AMMECR1: variants seen among roughly 807,000 people sequenced by gnomAD.
AMMECR1 encodes nuclear protein AMMECR1.
A neutral mutation model predicts 22.5 loss-of-function variants in AMMECR1; 3 were observed. That is an observed-to-expected ratio of 0.13 (90% CI 0.06 to 0.35). The LOEUF is 0.35. Among genes scored for constraint, AMMECR1 ranks in the 10% least tolerant of loss-of-function variants. The pLI is 1.00. For missense variants in AMMECR1, 235 were observed against 278.7 expected (o/e 0.84, Z 1.12); for synonymous variants, 130 against 116.7 (o/e 1.11, Z -0.74).
At chrX:110,202,954 G>T (rs1012152668) in intron 3 of AMMECR1, among the ~76,000 whole-genome samples, 3 of 111,876 alleles carry the variant, frequency 2.7e-5, no homozygotes, top group Admixed American at 9.5e-5. Flanking sequence ...TTCTGATTAA[G>T]TTCCAAAATT....
intron 2 of AMMECR1, among the ~76,000 whole-genome samples, chrX:110,405,039 C>T (rs757017161): frequency 6.5e-5 from 7 of 107,936 alleles, no homozygotes; most frequent in East Asian, 2.9e-4. Flanking sequence ...TTCAGAGATA[C>T]GCTTTTGTCA....
chrX:110,331,604 C>G (rs956325757), intron 2 of AMMECR1, among the ~76,000 whole-genome samples: 2 of 111,252 alleles, frequency 1.8e-5, no homozygotes, highest in South Asian at 7.6e-4. Context: ...TGTGACTACT[C>G]TCTCTATATT....
At chrX:110,438,193 C>T (rs774336623) in intron 1 of AMMECR1, among the ~76,000 whole-genome samples, 1 of 111,207 alleles carries the variant, frequency 9.0e-6, no homozygotes, top group Non-Finnish European at 1.9e-5. Context: ...TCAGAACCTG[C>T]TTTCACGATG....
chrX:110,314,704 A>C (rs760798461), intron 1 of AMMECR1, among the ~76,000 whole-genome samples: 2 of 112,208 alleles, frequency 1.8e-5, no homozygotes, highest in Non-Finnish European at 3.8e-5. Flanking sequence ...AAAATGCAGT[A>C]AAGTTAAGTT....
intron 2 of AMMECR1, among the ~76,000 whole-genome samples, chrX:110,378,173 G>T (rs1338907303): frequency 9.0e-6 from 1 of 111,490 alleles, no homozygotes; most frequent in Non-Finnish European, 1.9e-5. Context: ...CAGCTTTGGG[G>T]CTGTAAATGT....
intron 2 of AMMECR1, among the ~76,000 whole-genome samples, chrX:110,354,369 T>C (rs763670493): frequency 8.9e-6 from 1 of 112,267 alleles, no homozygotes; most frequent in South Asian, 3.7e-4. Context: ...TACTTTTTTC[T>C]TGTTATTATT....
intron 2 of AMMECR1, among the ~76,000 whole-genome samples, chrX:110,263,568 GATT>G (rs1176436312): frequency 8.9e-6 from 1 of 111,775 alleles, no homozygotes; most frequent in African/African-American, 3.2e-5. Flanking sequence ...GTAAAATAGT[GATT>G]ATTACTTCAT....
intron 2 of AMMECR1, among the ~76,000 whole-genome samples, chrX:110,417,302 G>T (rs1316021753): frequency 8.9e-6 from 1 of 112,134 alleles, no homozygotes; most frequent in Non-Finnish European, 1.9e-5. Flanking sequence ...ATTTGACAGG[G>T]GAGGAGGCAC....
chrX:110,327,339 A>G (rs1034128417), intron 2 of AMMECR1, among the ~76,000 whole-genome samples: 1 of 112,361 alleles, frequency 8.9e-6, no homozygotes, highest in African/African-American at 3.2e-5. Context: ...AAGAGTAGCA[A>G]CTGACATAGT....
chrX:110,370,088 A>G (rs947186785), intron 2 of AMMECR1, among the ~76,000 whole-genome samples: 1 of 111,909 alleles, frequency 8.9e-6, no homozygotes, highest in Non-Finnish European at 1.9e-5. Flanking sequence ...CACTGTTTGG[A>G]GCAGTTCTGT....
At chrX:110,356,347 G>T (rs957943143) in intron 2 of AMMECR1, among the ~76,000 whole-genome samples, 2 of 108,641 alleles carry the variant, frequency 1.8e-5, no homozygotes, top group South Asian at 4.2e-4. Flanking sequence ...TGGAGACGGG[G>T]TTTCACCATG....
At chrX:110,386,350 A>G (rs1023603647) in intron 2 of AMMECR1, among the ~76,000 whole-genome samples, 1 of 108,699 alleles carries the variant, frequency 9.2e-6, no homozygotes, top group Admixed American at 9.8e-5. Context: ...TATTTATTTT[A>G]TTTTTTATTT....
chrX:110,426,993 A>T (rs1183575104), intron 1 of AMMECR1, among the ~76,000 whole-genome samples: 1 of 111,997 alleles, frequency 8.9e-6, no homozygotes, highest in African/African-American at 3.3e-5. Context: ...CAGGGCAAAA[A>T]CCCAAGAGTT....
chrX:110,266,087 T>C (rs1602842569), intron 1 of AMMECR1, among the ~76,000 whole-genome samples: 1 of 108,185 alleles, frequency 9.2e-6, no homozygotes, highest in South Asian at 3.9e-4. Context: ...GGTATTAAAA[T>C]AACAAACAAA....
intron 2 of AMMECR1, among the ~76,000 whole-genome samples, chrX:110,404,636 A>G (rs1433077410): frequency 1.8e-5 from 2 of 111,612 alleles, no homozygotes; most frequent in African/African-American, 3.3e-5. Flanking sequence ...TCAGCCTATT[A>G]TTTTTACCTT....
chrX:110,352,393 C>T (rs2068214516), intron 2 of AMMECR1, among the ~76,000 whole-genome samples: 1 of 112,489 alleles, frequency 8.9e-6, no homozygotes, highest in Admixed American at 9.4e-5. Flanking sequence ...ATACATTCTA[C>T]AACATGTAAT....
intron 2 of AMMECR1, among the ~76,000 whole-genome samples, chrX:110,222,494 C>A (rs2067507828): frequency 1.1e-5 from 1 of 90,118 alleles, no homozygotes; most frequent in Non-Finnish European, 2.2e-5. Context: ...ATACCTAATG[C>A]TAGATGACGA....
At chrX:110,328,438 CT>C (rs772629664) in intron 2 of AMMECR1, among the ~76,000 whole-genome samples, 8,085 of 73,913 alleles carry the variant, frequency 0.11, 949 homozygotes, top group African/African-American at 0.33. Flanking sequence ...TTCTTTTTCT[CT>C]TTTTTTTTTT....
At position 110,370,464 on chromosome X, in the gene AMMECR1, C is replaced by T. The variant is rs2068330533; in HGVS notation, c.-147-52615G>A. 2.7e-5 allele frequency among the ~76,000 whole-genome samples: 3 copies of T among 112,324 alleles called. No individual in the cohort carries two copies. The Admixed American group carries it at 2.8e-4, about 11-fold the overall frequency. On this transcript the variant is annotated intron_variant, in intron 2 of 7. Coordinates refer to the AMMECR1 transcript ENST00000372057. ...CCTCATGTGATCCACCCGCCTAGGC[C>T]TCCCAAAGTGCTGGGATTACAAGCG...
Sources: gnomAD v4.1 joint callset for allele counts (sites outside exome capture counted in the v4.1 genomes callset) on GRCh38, gnomAD v4.1.1 for gene constraint, MANE v1.5 for transcripts, NCBI Gene and HGNC (gene_info 2026-07-23, HGNC 2026-07-21) for gene names.